UNC13B: variants seen among roughly 807,000 people sequenced by gnomAD.
UNC13B encodes the protein protein unc-13 homolog B.
Under a neutral mutation model 211.0 loss-of-function variants are expected in UNC13B, and 144 were observed. The ratio of observed to expected loss-of-function variants is 0.68; its 90% CI spans 0.60 to 0.78. The LOEUF is 0.78. UNC13B is among the 30% of genes least tolerant of loss of function. The pLI is 0.00. For missense variants in UNC13B, 1,777 were observed against 2,002.0 expected, an observed-to-expected ratio of 0.89 and a Z score of 2.14; for synonymous variants, 709 against 725.8, an observed-to-expected ratio of 0.98 and a Z score of 0.37.
At chr9:35,259,281 T>C (rs1827118519) in intron 7 of UNC13B, among the ~76,000 whole-genome samples, 1 of 152,120 alleles carries the variant, frequency 6.6e-6, no homozygotes, top group Non-Finnish European at 1.5e-5. Flanking sequence ...TTTTTCTACA[T>C]TTGTTAGCTT....
At chr9:35,166,306 C>T (rs1771489968) in intron 1 of UNC13B, among the ~76,000 whole-genome samples, 1 of 152,066 alleles carries the variant, frequency 6.6e-6, no homozygotes, top group African/African-American at 2.4e-5. Context: ...TGCTTGAACC[C>T]AGGAGGCAAG....
At position 35,260,083 on chromosome 9, in the gene UNC13B, G is replaced by A. The variant is rs750524597; in HGVS notation, c.526+1033G>A. Among the ~76,000 whole-genome samples, 44 of 140,158 alleles carry A rather than the reference G, an allele frequency of 3.1e-4. 1 individual carries two copies. Among genetic ancestry groups the A allele is most frequent in the Non-Finnish European group, 5.2e-4 (34 of 64,878 alleles). 91.9% of individuals were successfully genotyped at this position (140,158 alleles called of 152,430 possible). On this transcript the variant is annotated intron_variant, in intron 7 of 39. Coordinates refer to ENST00000635942, the MANE Select transcript of UNC13B (RefSeq NM_001371189.2). Reference sequence around the variant, plus strand: ...AAAAAAACCAAGTGTGATGGCATGTGCCTGTAGTCCCAGATACTTGGGAGG... The same window carrying A: ...AAAAAAACCAAGTGTGATGGCATGTACCTGTAGTCCCAGATACTTGGGAGG...
At chr9:35,398,735 G>C (rs151183871) in intron 32 of UNC13B, 93 bp downstream of exon 32, 3 of 1,564,926 alleles carry the variant, frequency 1.9e-6, no homozygotes, top group Non-Finnish European at 2.6e-6. Context: ...TATAGCTGCA[G>C]GTGTGTGGAT....
intron 38 of UNC13B, 79 bp downstream of exon 38, chr9:35,403,338 CCAGCCCTCCAGCT>C (rs1261819849): frequency 1.1e-5 from 18 of 1,598,092 alleles, no homozygotes; most frequent in Non-Finnish European, 1.5e-5. Context: ...GCTGCTCATC[CCAGCCCTCCAGCT>C]CAGCCCTCCT....
intron 1 of UNC13B, among the ~76,000 whole-genome samples, chr9:35,193,751 T>A (rs1270705081): frequency 6.6e-6 from 1 of 151,680 alleles, no homozygotes; most frequent in East Asian, 1.9e-4. Context: ...TTTTGGAGGA[T>A]GTTTTATTCC....
intron 6 of UNC13B, among the ~76,000 whole-genome samples, chr9:35,249,778 G>T (rs1036179929): frequency 7.2e-5 from 11 of 152,142 alleles, no homozygotes; most frequent in Non-Finnish European, 1.6e-4. Flanking sequence ...CTCTCTGGCT[G>T]CCCTTAACAT....
rs751464466 is a variant in UNC13B at position 35,400,396 on chromosome 9, C to T, written c.12437C>T (p.Thr4146Ile). Residue 4146 changes from threonine (T) to isoleucine (I), a missense_variant, in exon 37 of 40, where the codon ACT (threonine) becomes ATT (isoleucine). Coordinates refer to ENST00000635942, the MANE Select transcript of UNC13B (RefSeq NM_001371189.2). ...LRYALSLYTQ[T>I]TDTLIKTFVR... is the part of the protein sequence containing the mutation. The stretch of plus-strand genomic sequence containing the variant: ...TATGCCCTGTCTCTGTACACACAGA[C>T]TACTGACACTCTCATCAAGACCTTT... The T allele has an allele frequency of 6.2e-7, 1 of 1,614,108 alleles. No homozygotes were observed. Among genetic ancestry groups the T allele is most frequent in the South Asian group, 1.1e-5 (1 of 91,040 alleles).
At chr9:35,191,838 G>A (rs1231413307) in intron 1 of UNC13B, among the ~76,000 whole-genome samples, 1 of 152,196 alleles carries the variant, frequency 6.6e-6, no homozygotes, top group Non-Finnish European at 1.5e-5. Context: ...TGTTGGACTG[G>A]CTTGAACAGC....
At chr9:35,314,705 T>G (rs945756140) in intron 11 of UNC13B, among the ~76,000 whole-genome samples, 6 of 151,968 alleles carry the variant, frequency 3.9e-5, no homozygotes, top group African/African-American at 1.5e-4. Flanking sequence ...TCCACCCTTC[T>G]AAGTCTCCAG....
At position 35,403,874 on chromosome 9, in the gene UNC13B, G is replaced by A; in HGVS notation, c.12864G>A (p.Lys4288=). 6.2e-7 allele frequency: 1 copy of A among 1,614,198 alleles called. No homozygotes were observed. Among genetic ancestry groups the A allele is most frequent in the Non-Finnish European group, 8.5e-7 (1 of 1,180,040 alleles). Residue 4288 remains lysine, a synonymous_variant, in exon 40 of 40, where the codon AAG becomes AAA. Transcript: ENST00000635942. ...TGCCTCTGAGGGATGTCACAGCCAA[G>A]GGCAGCTGTGCCTGCTGGTGCCCCT... The part of the protein sequence containing the change: ...AVMPLRDVTA[K]GSCACWCPLG...
intron 7 of UNC13B, among the ~76,000 whole-genome samples, chr9:35,286,269 T>C (rs1828789394): frequency 6.7e-6 from 1 of 148,768 alleles, no homozygotes; most frequent in African/African-American, 2.5e-5. Context: ...TTTCACTCTG[T>C]CACCCAGGCT....
Position 35,403,989 on chromosome 9 carries a change from G to A in UNC13B, c.12979G>A (p.Val4327Met), listed in dbSNP as rs745898914. The change falls in exon 40 of 40, where the codon GTG (valine) becomes ATG (methionine). Residue 4327 changes from valine (V) to methionine (M), a missense_variant. Coordinates refer to ENST00000635942, the MANE Select transcript of UNC13B (RefSeq NM_001371189.2). ...CAATGACGAGGTGGCCCGAGAATTT[G>A]TGAAACTCAAATCAGAGTCTCGTTC... is the stretch of plus-strand genomic sequence containing the variant. ...RSNDEVAREF[V>M]KLKSESRSTE... 10 of 1,613,918 alleles carry A rather than the reference G, an allele frequency of 6.2e-6. No individual in the cohort carries two copies. In the Admixed American group the frequency reaches 1.0e-4, roughly 16 times the overall value.
intron 6 of UNC13B, among the ~76,000 whole-genome samples, chr9:35,251,326 C>T (rs1826471881): frequency 2.0e-5 from 3 of 152,044 alleles, no homozygotes; most frequent in Admixed American, 2.0e-4. Context: ...TGGCTCATGC[C>T]AGTAATCCCA....
At chr9:35,357,113 G>C (rs916708030) in intron 11 of UNC13B, among the ~76,000 whole-genome samples, 1 of 152,172 alleles carries the variant, frequency 6.6e-6, no homozygotes, top group African/African-American at 2.4e-5. Flanking sequence ...AAGTAAAATT[G>C]CTGGGTCATA....
intron 17 of UNC13B, among the ~76,000 whole-genome samples, chr9:35,379,473 A>T (rs1433717737): frequency 6.6e-6 from 1 of 152,022 alleles, no homozygotes; most frequent in Admixed American, 6.6e-5. Context: ...AAAAAAAGGG[A>T]TTAGGATATA....
At chr9:35,375,386 ATCAGAGAGTAAGCCCAAG>A (rs1379082052) in intron 14 of UNC13B, among the ~76,000 whole-genome samples, 185 bp downstream of exon 14, 1 of 152,212 alleles carries the variant, frequency 6.6e-6, no homozygotes, top group Admixed American at 6.5e-5. Context: ...GCAAGTCTAG[ATCAGAGAGTAAGCCCAAG>A]TCTCATGTTG....
At chr9:35,265,304 T>C (rs1827503984) in intron 7 of UNC13B, among the ~76,000 whole-genome samples, 1 of 152,180 alleles carries the variant, frequency 6.6e-6, no homozygotes, top group Non-Finnish European at 1.5e-5. Flanking sequence ...CTGGGGCCCA[T>C]TTAAGAAGAA....
At chr9:35,370,448 A>G (rs773531979) in intron 13 of UNC13B, 52 bp downstream of exon 13, 5 of 1,558,786 alleles carry the variant, frequency 3.2e-6, no homozygotes, top group Admixed American at 1.7e-5. Context: ...GGTATCCCCC[A>G]TTGGGCCTTG....
chr9:35,241,063 A>AAAAG (rs1017991751), intron 5 of UNC13B, among the ~76,000 whole-genome samples: 5 of 151,576 alleles, frequency 3.3e-5, no homozygotes, highest in African/African-American at 1.2e-4. Flanking sequence ...TCTCAAAAAA[A>AAAAG]AAAAAAAAAT....
Sources: gnomAD v4.1 joint callset for allele counts (sites outside exome capture counted in the v4.1 genomes callset) on GRCh38, gnomAD v4.1.1 for gene constraint, MANE v1.5 for transcripts, NCBI Gene and HGNC (gene_info 2026-07-23, HGNC 2026-07-21) for gene names.